Variants in EXOC2 observed in about 807,000 individuals in gnomAD.
EXOC2 encodes exocyst complex component 2.
A neutral mutation model predicts 131.8 loss-of-function variants in EXOC2; 70 were observed. The ratio of observed to expected loss-of-function variants is 0.53; its 90% CI spans 0.44 to 0.65. The LOEUF (loss-of-function observed/expected upper bound fraction) is 0.65. Among genes scored for constraint, EXOC2 ranks in the 30% least tolerant of loss-of-function variants. The pLI is 0.00. For missense variants in EXOC2, 923 were observed against 1,108.6 expected (o/e 0.83, Z 2.38); for synonymous variants, 411 against 398.4 (o/e 1.03, Z -0.38).
chr6:560,969 A>G (rs994534147), intron 17 of EXOC2, among the ~76,000 whole-genome samples: 7 of 152,080 alleles, frequency 4.6e-5, no homozygotes, highest in South Asian at 2.1e-4. Flanking sequence ...GAGCCTCTCA[A>G]AGTGCTGGGA....
intron 13 of EXOC2, among the ~76,000 whole-genome samples, chr6:568,072 G>A (rs1022306926): frequency 6.6e-6 from 1 of 152,248 alleles, no homozygotes; most frequent in Non-Finnish European, 1.5e-5. Context: ...AATGTCAGGA[G>A]CTAAATCTTT....
Position 637,729 on chromosome 6 carries a change from A to G in EXOC2, c.90T>C (p.Asn30=). The G allele has an allele frequency of 6.2e-7, 1 of 1,613,548 alleles. No individual in the cohort carries two copies. The highest frequency in any genetic ancestry group is 8.5e-7 in the Non-Finnish European group (1 of 1,179,806). Residue 30 remains asparagine (N), a synonymous_variant, in exon 2 of 28, where the codon AAT becomes AAC. Transcript: ENST00000230449. ...PWTKVTIRGE[N]LGTGPTDLIG... ...TGAGGTCGGTGGGGCCAGTCCCCAG[A>G]TTTTCTCCCCTGATTGTGACCTTCG...
intron 23 of EXOC2, among the ~76,000 whole-genome samples, chr6:502,433 A>G (rs894674135): frequency 2.6e-5 from 4 of 152,182 alleles, no homozygotes; most frequent in African/African-American, 9.7e-5. Flanking sequence ...CTTAGAGTGA[A>G]GCCAGGCGGT....
At chr6:575,390 A>G (rs1160458886) in intron 12 of EXOC2, among the ~76,000 whole-genome samples, 1 of 152,182 alleles carries the variant, frequency 6.6e-6, no homozygotes, top group Non-Finnish European at 1.5e-5. Flanking sequence ...ACCAGCAGTG[A>G]GCTGCACCTT....
chr6:573,914 T>C (rs1252974204), intron 12 of EXOC2, among the ~76,000 whole-genome samples: 1 of 152,188 alleles, frequency 6.6e-6, no homozygotes, highest in Non-Finnish European at 1.5e-5. Context: ...CAAGTATAAA[T>C]GTGTTTTTCT....
chr6:557,869 C>T (rs1312972612), intron 17 of EXOC2, among the ~76,000 whole-genome samples: 15 of 152,044 alleles, frequency 9.9e-5, no homozygotes, highest in African/African-American at 3.1e-4. Context: ...GGAAGAGCAG[C>T]GTGTCACAAC....
At chr6:566,052 C>A (rs373700125) in intron 13 of EXOC2, among the ~76,000 whole-genome samples, 3 of 152,260 alleles carry the variant, frequency 2.0e-5, no homozygotes, top group East Asian at 1.9e-4. Context: ...TTAAACTACG[C>A]AGCTTTTATC....
chr6:488,127 C>A (rs745586267), intron 27 of EXOC2, among the ~76,000 whole-genome samples: 7 of 152,148 alleles, frequency 4.6e-5, no homozygotes, highest in African/African-American at 1.7e-4. Context: ...GGCGGGGCGG[C>A]GATGCCCCCG....
intron 23 of EXOC2, 143 bp downstream of exon 23, chr6:532,326 A>C: frequency 1.1e-6 from 1 of 906,498 alleles, no homozygotes; most frequent in South Asian, 3.6e-5. Flanking sequence ...AAATGGGTTT[A>C]AGCAAACAAA....
intron 7 of EXOC2, among the ~76,000 whole-genome samples, chr6:608,160 T>C (rs973524445): frequency 3.9e-5 from 6 of 152,260 alleles, no homozygotes; most frequent in African/African-American, 1.4e-4. Flanking sequence ...ACTGAATCTT[T>C]GTGACTTTAG....
chr6:498,808 G>A (rs545142900), intron 24 of EXOC2, among the ~76,000 whole-genome samples: 5 of 152,222 alleles, frequency 3.3e-5, no homozygotes, highest in Admixed American at 2.0e-4. Flanking sequence ...GATGCTTGTC[G>A]CCCAAGAGGC....
chr6:539,793 A>G (rs994626421), intron 22 of EXOC2, among the ~76,000 whole-genome samples: 5 of 152,232 alleles, frequency 3.3e-5, no homozygotes, highest in African/African-American at 9.6e-5. Context: ...TCAAACTATC[A>G]TTAGAACATC....
chr6:564,493 A>G, intron 15 of EXOC2, 52 bp downstream of exon 15: 1 of 1,604,364 alleles, frequency 6.2e-7, no homozygotes, highest in South Asian at 1.1e-5. Flanking sequence ...TCTTTCCAAA[A>G]AGTTAAAAAA....
chr6:583,662 T>A (rs1759038655), intron 11 of EXOC2, among the ~76,000 whole-genome samples: 1 of 152,258 alleles, frequency 6.6e-6, no homozygotes. Context: ...TTTCTCACTG[T>A]GTGCACATAC....
chr6:584,016 A>G, intron 11 of EXOC2, among the ~76,000 whole-genome samples: 1 of 152,264 alleles, frequency 6.6e-6, no homozygotes, highest in East Asian at 1.9e-4. Context: ...TTAAATCTCT[A>G]GAAAATTAAC....
chr6:516,290 G>T (rs1765162518), intron 23 of EXOC2, among the ~76,000 whole-genome samples: 1 of 152,202 alleles, frequency 6.6e-6, no homozygotes, highest in Non-Finnish European at 1.5e-5. Context: ...TCTGGTTCTG[G>T]GGCGGCACTG....
intron 22 of EXOC2, among the ~76,000 whole-genome samples, chr6:541,313 C>A (rs1037412371): frequency 2.0e-5 from 3 of 152,038 alleles, no homozygotes; most frequent in African/African-American, 7.2e-5. Flanking sequence ...ACATGGGAAA[C>A]ACAGCTAAAA....
chr6:654,908 G>A (rs1344401806), intron 1 of EXOC2, among the ~76,000 whole-genome samples: 2 of 139,212 alleles, frequency 1.4e-5, no homozygotes, highest in East Asian at 2.1e-4. Flanking sequence ...TTATACATAA[G>A]CAAAGAAAGT....
intron 22 of EXOC2, among the ~76,000 whole-genome samples, chr6:546,422 T>A (rs934227000): frequency 6.6e-6 from 1 of 152,234 alleles, no homozygotes; most frequent in African/African-American, 2.4e-5. Context: ...TATCATTCAA[T>A]GTGGTTTCAT....
Sources: allele counts gnomAD v4.1 joint callset (sites outside exome capture counted in the v4.1 genomes callset), GRCh38; gene constraint gnomAD v4.1.1; transcripts MANE v1.5; gene names NCBI Gene and HGNC (gene_info 2026-07-23, HGNC 2026-07-21).